Variants in ATG10 observed in about 807,000 individuals in gnomAD.
ATG10 encodes ubiquitin-like-conjugating enzyme ATG10.
In ATG10, 30 loss-of-function variants were observed where a neutral mutation model predicts 32.1. The observed-to-expected ratio is 0.94, with a 90% CI of 0.70 to 1.27. The LOEUF is 1.27. ATG10 is among the 50% of genes most tolerant of loss of function. ATG10 has a pLI of 0.00. For synonymous variants in ATG10, 87 were observed against 91.5 expected (o/e 0.95, Z 0.28); for missense variants, 233 against 262.3 (o/e 0.89, Z 0.77).
intron 3 of ATG10, among the ~76,000 whole-genome samples, chr5:82,139,545 G>T (rs545879094): frequency 6.7e-6 from 1 of 149,904 alleles, no homozygotes; most frequent in Admixed American, 6.6e-5. Context: ...CCCCGTCTGG[G>T]AGGTGAGGAG....
At chr5:82,100,856 A>G (rs978255973) in intron 3 of ATG10, among the ~76,000 whole-genome samples, 7 of 148,198 alleles carry the variant, frequency 4.7e-5, no homozygotes, top group Non-Finnish European at 8.9e-5. Context: ...GCTAATGCAT[A>G]AGGCTGTCTT....
chr5:81,986,379 AAG>A (rs1427210676), intron 1 of ATG10, among the ~76,000 whole-genome samples: 4 of 152,226 alleles, frequency 2.6e-5, no homozygotes, highest in Non-Finnish European at 5.9e-5. Context: ...GAGGTTGGAT[AAG>A]AGAGTTTCTA....
intron 3 of ATG10, among the ~76,000 whole-genome samples, chr5:82,105,602 A>G (rs1436025201): frequency 6.6e-6 from 1 of 152,172 alleles, no homozygotes; most frequent in African/African-American, 2.4e-5. Flanking sequence ...ACAGAAGCTC[A>G]GCATTTTAGA....
At chr5:82,095,055 C>A (rs1341129753) in intron 3 of ATG10, among the ~76,000 whole-genome samples, 1 of 152,008 alleles carries the variant, frequency 6.6e-6, no homozygotes, top group Non-Finnish European at 1.5e-5. Flanking sequence ...GCATGTATAG[C>A]TTTTATAGTC....
intron 5 of ATG10, among the ~76,000 whole-genome samples, chr5:82,182,811 G>T (rs775893900): frequency 2.0e-5 from 3 of 152,168 alleles, no homozygotes; most frequent in Non-Finnish European, 4.4e-5. Flanking sequence ...ATCAGCGTCA[G>T]TATCTTGTTT....
intron 3 of ATG10, among the ~76,000 whole-genome samples, chr5:82,139,859 CCCGGCCAGCCGCCCCGT>C (rs1397106610): frequency 1.4e-5 from 2 of 142,976 alleles, no homozygotes; most frequent in Non-Finnish European, 3.1e-5. Flanking sequence ...AGCCCCCCCA[CCCGGCCAGCCGCCCCGT>C]CCGGGAGGGA....
At chr5:82,002,772 A>G (rs75344258) in intron 2 of ATG10, among the ~76,000 whole-genome samples, 12,468 of 152,086 alleles carry the variant, frequency 0.082, 764 homozygotes, top group African/African-American at 0.18. Flanking sequence ...AAAAAAACCT[A>G]CACAGGTACC....
intron 3 of ATG10, among the ~76,000 whole-genome samples, chr5:82,063,431 A>G (rs1763845930): frequency 6.6e-6 from 1 of 152,168 alleles, no homozygotes; most frequent in African/African-American, 2.4e-5. Flanking sequence ...ATTTAAGTGG[A>G]ATGTAATTAG....
chr5:82,044,368 G>A (rs1334560794), intron 2 of ATG10, among the ~76,000 whole-genome samples: 1 of 152,116 alleles, frequency 6.6e-6, no homozygotes, highest in African/African-American at 2.4e-5. Context: ...AATTCAACAT[G>A]AGATTTGGGT....
intron 5 of ATG10, among the ~76,000 whole-genome samples, chr5:82,187,519 CA>C (rs11312827): frequency 0.51 from 58,770 of 114,818 alleles, 13,374 homozygotes; most frequent in African/African-American, 0.67. Flanking sequence ...AGACTGTCTA[CA>C]AAAAAAAAAA....
intron 1 of ATG10, among the ~76,000 whole-genome samples, chr5:81,975,062 CCTCT>C (rs1048061004): frequency 6.6e-6 from 1 of 152,092 alleles, no homozygotes; most frequent in African/African-American, 2.4e-5. Context: ...GACAAGTTAC[CCTCT>C]CTGTCTCAAT....
chr5:82,234,708 T>TTAG (rs1746492285), intron 5 of ATG10, among the ~76,000 whole-genome samples: 1 of 152,206 alleles, frequency 6.6e-6, no homozygotes, highest in South Asian at 2.1e-4. Flanking sequence ...TGTCAACCTC[T>TTAG]TAGTATTATT....
chr5:82,149,237 A>G (rs1168906169), intron 3 of ATG10, among the ~76,000 whole-genome samples: 1 of 151,894 alleles, frequency 6.6e-6, no homozygotes, highest in South Asian at 2.1e-4. Context: ...GTTTACTAAT[A>G]TACCCCGTAT....
intron 1 of ATG10, 179 bp downstream of exon 1, chr5:81,972,485 C>A (rs1424199254): frequency 1.3e-5 from 2 of 152,236 alleles, no homozygotes; most frequent in African/African-American, 4.8e-5. Flanking sequence ...CTGTGCTGGC[C>A]GCCGCGAGCG....
intron 5 of ATG10, among the ~76,000 whole-genome samples, chr5:82,235,932 A>G (rs1204140964): frequency 6.6e-6 from 1 of 152,164 alleles, no homozygotes; most frequent in African/African-American, 2.4e-5. Flanking sequence ...TTAGCTTTTT[A>G]CAAGTTCTTC....
At chr5:82,179,893 C>G (rs1168651295) in intron 5 of ATG10, among the ~76,000 whole-genome samples, 2 of 152,030 alleles carry the variant, frequency 1.3e-5, no homozygotes, top group Non-Finnish European at 2.9e-5. Flanking sequence ...TAATTGAGGA[C>G]AAAACTAGCT....
At chr5:82,013,488 C>G (rs1762188758) in intron 2 of ATG10, among the ~76,000 whole-genome samples, 1 of 152,134 alleles carries the variant, frequency 6.6e-6, no homozygotes, top group Non-Finnish European at 1.5e-5. Flanking sequence ...GTGCGAGTAT[C>G]TTTTTCATAG....
chr5:82,246,164 G>A (rs771842553), intron 5 of ATG10, among the ~76,000 whole-genome samples: 8 of 151,068 alleles, frequency 5.3e-5, no homozygotes, highest in Non-Finnish European at 1.0e-4. Flanking sequence ...TCTGCCTTCT[G>A]GGTTCAAGCG....
chr5:82,036,167 C>T (rs190569729), intron 2 of ATG10, among the ~76,000 whole-genome samples: 3 of 152,248 alleles, frequency 2.0e-5, no homozygotes, highest in Admixed American at 6.5e-5. Flanking sequence ...ACTGACCCAT[C>T]TGTTTGTTCA....
Sources: allele counts gnomAD v4.1 joint callset (sites outside exome capture counted in the v4.1 genomes callset), GRCh38; gene constraint gnomAD v4.1.1; transcripts MANE v1.5; gene names NCBI Gene and HGNC (gene_info 2026-07-23, HGNC 2026-07-21).